RSPO2: variants seen among roughly 807,000 people sequenced by gnomAD.
The protein encoded by RSPO2 is R-spondin-2.
A neutral mutation model predicts 30.9 loss-of-function variants in RSPO2; 14 were observed. The observed-to-expected ratio is 0.45, with a 90% CI of 0.30 to 0.71. The LOEUF (loss-of-function observed/expected upper bound fraction) is 0.71, where lower values mean the gene tolerates loss of function less well. Ranked by LOEUF, RSPO2 falls within the 30% of genes least tolerant of loss-of-function variation. The probability of loss-of-function intolerance (pLI) is 0.08; values close to 1 mark genes in which losing one functional copy is unlikely to be tolerated. For missense variants in RSPO2, 264 were observed against 301.9 expected, an observed-to-expected ratio of 0.87 and a Z score of 0.93; for synonymous variants, 107 against 96.4, an observed-to-expected ratio of 1.11 and a Z score of -0.64.
At chr8:108,033,538 A>G (rs918322696) in intron 2 of RSPO2, among the ~76,000 whole-genome samples, 4 of 152,232 alleles carry the variant, frequency 2.6e-5, no homozygotes, top group Admixed American at 2.6e-4. Context: ...CATATTTTGA[A>G]TAAAAATATT....
At chr8:107,991,490 A>T (rs1221317900) in intron 2 of RSPO2, among the ~76,000 whole-genome samples, 1 of 152,200 alleles carries the variant, frequency 6.6e-6, no homozygotes, top group Non-Finnish European at 1.5e-5. Context: ...ACATAGGCAC[A>T]GGCAAAGATT....
intron 3 of RSPO2, among the ~76,000 whole-genome samples, chr8:107,984,292 G>A (rs1372502840): frequency 2.0e-5 from 3 of 152,204 alleles, no homozygotes; most frequent in African/African-American, 7.2e-5. Context: ...GGTTTAAAAT[G>A]TATAAAAGTT....
At chr8:108,049,803 T>A (rs1222390828) in intron 2 of RSPO2, among the ~76,000 whole-genome samples, 2 of 152,172 alleles carry the variant, frequency 1.3e-5, no homozygotes, top group African/African-American at 4.8e-5. Flanking sequence ...CAGTCTGTCA[T>A]TAATGGGCAT....
chr8:107,914,586 CTT>C (rs1586537414), intron 5 of RSPO2, among the ~76,000 whole-genome samples: 3 of 151,944 alleles, frequency 2.0e-5, no homozygotes, highest in African/African-American at 7.2e-5. Flanking sequence ...ATAATAATGT[CTT>C]TATGTATTAG....
At chr8:107,972,674 T>A (rs1814042131) in intron 3 of RSPO2, among the ~76,000 whole-genome samples, 1 of 151,982 alleles carries the variant, frequency 6.6e-6, no homozygotes, top group South Asian at 2.1e-4. Context: ...AGACTTAGAA[T>A]ACACAGAAAG....
At chr8:108,000,818 A>G (rs1028661355) in intron 2 of RSPO2, among the ~76,000 whole-genome samples, 5 of 152,050 alleles carry the variant, frequency 3.3e-5, no homozygotes, top group East Asian at 1.9e-4. Context: ...TGGCTAACAC[A>G]GTGAAACCCT....
chr8:107,981,196 T>TC (rs1554578724), intron 3 of RSPO2, among the ~76,000 whole-genome samples: 7 of 152,044 alleles, frequency 4.6e-5, no homozygotes, highest in Non-Finnish European at 2.9e-5. Context: ...ACTTTTTTTT[T>TC]CCCCAAATGC....
chr8:108,081,754 G>A (rs1813205158), intron 2 of RSPO2: 1 of 230,560 alleles, frequency 4.3e-6, no homozygotes, highest in Non-Finnish European at 7.2e-6. Context: ...GAGAGGGAGG[G>A]AGCAGTTAAA....
intron 2 of RSPO2, among the ~76,000 whole-genome samples, chr8:108,010,198 C>T (rs899054996): frequency 5.3e-5 from 8 of 152,104 alleles, no homozygotes; most frequent in Non-Finnish European, 8.8e-5. Flanking sequence ...TCTGCTTAGA[C>T]AAATAAAGAC....
chr8:107,996,282 T>C (rs1471354980), intron 2 of RSPO2, among the ~76,000 whole-genome samples: 4 of 152,150 alleles, frequency 2.6e-5, no homozygotes, highest in African/African-American at 9.7e-5. Context: ...GAAGACCCTA[T>C]GGAATGATAT....
chr8:107,973,109 A>G (rs1208214690), intron 3 of RSPO2, among the ~76,000 whole-genome samples: 1 of 152,050 alleles, frequency 6.6e-6, no homozygotes, highest in African/African-American at 2.4e-5. Context: ...TCTCTACTAA[A>G]AATACAAAAA....
intron 5 of RSPO2, among the ~76,000 whole-genome samples, chr8:107,946,700 T>A (rs1293869454): frequency 1.3e-5 from 2 of 152,360 alleles, no homozygotes; most frequent in African/African-American, 2.4e-5. Context: ...CCTGTTTGTA[T>A]GCATGTCCCT....
intron 2 of RSPO2, among the ~76,000 whole-genome samples, chr8:108,042,072 T>TA (rs1280390160): frequency 6.6e-6 from 1 of 152,196 alleles, no homozygotes; most frequent in Non-Finnish European, 1.5e-5. Flanking sequence ...TTCAGCAATG[T>TA]AAATTGTATT....
intron 2 of RSPO2, among the ~76,000 whole-genome samples, chr8:108,003,058 T>C (rs1399829320): frequency 1.3e-5 from 2 of 150,622 alleles, no homozygotes; most frequent in African/African-American, 2.4e-5. Context: ...ATAATTTTTT[T>C]TTTTTTTTTT....
intron 5 of RSPO2, among the ~76,000 whole-genome samples, chr8:107,927,246 T>C (rs1482196877): frequency 6.6e-6 from 1 of 152,264 alleles, no homozygotes; most frequent in Non-Finnish European, 1.5e-5. Context: ...ACATTGATTT[T>C]GTATCCTGAG....
chr8:107,925,856 A>G (rs1812351628), intron 5 of RSPO2, among the ~76,000 whole-genome samples: 1 of 152,224 alleles, frequency 6.6e-6, no homozygotes, highest in South Asian at 2.1e-4. Context: ...GTAGTGCCAC[A>G]ATAAACATAT....
chr8:108,035,825 T>G (rs769753901), intron 2 of RSPO2, among the ~76,000 whole-genome samples: 178 of 151,698 alleles, frequency 1.2e-3, no homozygotes, highest in Non-Finnish European at 1.9e-3. Context: ...ACTGTTTCAG[T>G]TTCGCTGGAT....
intron 5 of RSPO2, among the ~76,000 whole-genome samples, chr8:107,906,066 G>A (rs1314110476): frequency 6.6e-6 from 1 of 151,868 alleles, no homozygotes; most frequent in African/African-American, 2.4e-5. Flanking sequence ...CATGAGACAG[G>A]CAACAGGATG....
chr8:107,917,622 T>TC (rs1812021683), intron 5 of RSPO2, among the ~76,000 whole-genome samples: 1 of 152,136 alleles, frequency 6.6e-6, no homozygotes, highest in Non-Finnish European at 1.5e-5. Flanking sequence ...AGACATGAGG[T>TC]CCCCTGAAGT....
Sources: gnomAD v4.1 joint callset for allele counts (sites outside exome capture counted in the v4.1 genomes callset) on GRCh38, gnomAD v4.1.1 for gene constraint, MANE v1.5 for transcripts, NCBI Gene and HGNC (gene_info 2026-07-23, HGNC 2026-07-21) for gene names.